SH3D21: variants seen among roughly 807,000 people sequenced by gnomAD.
SH3D21 encodes the protein SH3 domain-containing protein 21.
Under a neutral mutation model 82.1 loss-of-function variants are expected in SH3D21, and 83 were observed. The ratio of observed to expected loss-of-function variants is 1.01; its 90% confidence interval spans 0.85 to 1.21. The LOEUF (loss-of-function observed/expected upper bound fraction) is 1.21, where lower values mean the gene tolerates loss of function less well. SH3D21 is among the 50% of genes most tolerant of loss of function. SH3D21 has a pLI of 0.00. For synonymous variants in SH3D21, 383 were observed against 387.8 expected (o/e 0.99, Z 0.15); for missense variants, 980 against 962.1 (o/e 1.02, Z -0.25).
intron 10 of SH3D21, among the ~76,000 whole-genome samples, chr1:36,318,843 A>G (rs1646388839): frequency 6.6e-6 from 1 of 151,824 alleles, no homozygotes; most frequent in Non-Finnish European, 1.5e-5. Context: ...AGGGAGGCAG[A>G]GCTTGCAGTG....
At chr1:36,325,776 C>CCTCGTGA (rs1346467025), downstream of SH3D21, among the ~76,000 whole-genome samples, 5 of 152,142 alleles carry the variant, frequency 3.3e-5, no homozygotes, top group African/African-American at 1.2e-4. Flanking sequence ...GATCTGCTGA[C>CCTCGTGA]CTCGTGATCC....
intron 10 of SH3D21, among the ~76,000 whole-genome samples, 185 bp downstream of exon 10, chr1:36,309,775 AAT>A (rs1488955213): frequency 6.6e-6 from 1 of 150,824 alleles, no homozygotes; most frequent in Non-Finnish European, 1.5e-5. Flanking sequence ...TGTGTGTGTT[AAT>A]ATGTCAGTGT....
chr1:36,307,717 C>T lies in SH3D21; in HGVS notation c.437-53C>T, dbSNP rs964657127. ...CCCTGTGACCCCTCTGACCCTCTCC[C>T]ATGACCTAACCTGTGAATTAGCACC... On this transcript the variant is annotated intron_variant, in intron 5 of 15. Coordinates refer to ENST00000453908, the MANE Select transcript of SH3D21 (RefSeq NM_001162530.2). This position sits in a 1 kb window ranked among gnomAD's most constrained non-coding sequence, Gnocchi z 5.4. 16 of 1,544,318 alleles carry T rather than the reference C, an allele frequency of 1.0e-5. No individual in the cohort carries two copies. The African/African-American group carries it at 2.2e-4, about 21-fold the overall frequency.
intron 8 of SH3D21, 74 bp downstream of exon 8, chr1:36,308,283 T>C (rs1481548517): frequency 6.1e-6 from 9 of 1,471,918 alleles, no homozygotes; most frequent in South Asian, 3.7e-5. Flanking sequence ...ATGTACCCCC[T>C]GAATCTAAAA....
At position 36,321,027 on chromosome 1, in the gene SH3D21, G is replaced by C; in HGVS notation, c.2200-29G>C. 2 of 1,600,318 alleles carry C rather than the reference G, an allele frequency of 1.2e-6. No homozygotes were observed. The highest frequency in any genetic ancestry group is 2.3e-5 in the East Asian group (1 of 44,136). ...GGGGGCTGACGGCGAGTGGCCCCCTGACAAAGTCTCCACCTCACTCCCGAC... is the reference window on the plus strand; with the variant it reads ...GGGGGCTGACGGCGAGTGGCCCCCTCACAAAGTCTCCACCTCACTCCCGAC... On this transcript the variant is annotated intron_variant, in intron 15 of 15. Coordinates refer to ENST00000453908, the MANE Select transcript of SH3D21 (RefSeq NM_001162530.2). This position sits in a 1 kb window ranked among gnomAD's most constrained non-coding sequence, Gnocchi z 6.1.
At chr1:36,310,865 C>T (rs973191864) in intron 10 of SH3D21, among the ~76,000 whole-genome samples, 6 of 151,976 alleles carry the variant, frequency 3.9e-5, no homozygotes, top group Non-Finnish European at 8.8e-5. Context: ...AAAATGGTAG[C>T]ATGTTTATAG....
At chr1:36,323,223 A>T (rs909118035), downstream of SH3D21, among the ~76,000 whole-genome samples, 1 of 151,704 alleles carries the variant, frequency 6.6e-6, no homozygotes, top group African/African-American at 2.4e-5. Flanking sequence ...GTCGGGGGGA[A>T]CCCCTCTCCC....
intron 10 of SH3D21, 34 bp from the exon 11 acceptor site, chr1:36,319,037 C>T (rs1373850609): frequency 1.5e-6 from 2 of 1,301,406 alleles, no homozygotes; most frequent in Non-Finnish European, 2.2e-6. Context: ...TAGCGACTGT[C>T]AGATGGATGA....
chr1:36,307,887 T>C lies in SH3D21; in HGVS notation c.493-31T>C. On this transcript the variant is annotated intron_variant, in intron 6 of 15. Coordinates refer to ENST00000453908, the MANE Select transcript of SH3D21 (RefSeq NM_001162530.2). This position sits in a 1 kb window ranked among gnomAD's most constrained non-coding sequence, Gnocchi z 5.4. ...TCCTCTTGGGGTGGTTGGAGGCTCATCTAGTTCCTCCCTGCCCCTTCCCCC... is the reference window on the plus strand; with the variant it reads ...TCCTCTTGGGGTGGTTGGAGGCTCACCTAGTTCCTCCCTGCCCCTTCCCCC... 1 of 1,551,620 alleles carries C rather than the reference T, an allele frequency of 6.4e-7. No homozygotes were observed. The highest frequency in any genetic ancestry group is 8.7e-7 in the Non-Finnish European group (1 of 1,146,956).
At chr1:36,325,451 A>G (rs1646532350), downstream of SH3D21, among the ~76,000 whole-genome samples, 1 of 152,224 alleles carries the variant, frequency 6.6e-6, no homozygotes, top group Non-Finnish European at 1.5e-5. Context: ...TTTATTTTAC[A>G]TCAAGGACTT....
downstream of SH3D21, among the ~76,000 whole-genome samples, chr1:36,327,338 G>A (rs1008816095): frequency 3.3e-5 from 5 of 152,234 alleles, no homozygotes; most frequent in Non-Finnish European, 7.3e-5. Flanking sequence ...GCATGAGCAT[G>A]TTTAATGCCT....
chr1:36,313,972 C>CTTTTTTTTTTTTTTTTCTTTTTTTTTTTT (rs1646291775), intron 10 of SH3D21, among the ~76,000 whole-genome samples: 1 of 36,784 alleles, frequency 2.7e-5, no homozygotes, highest in Non-Finnish European at 5.4e-5. Context: ...AACATATTTT[C>CTTTTTTTTTTTTTTTTCTTTTTTTTTTTT]TTTTTTTTTT....
chr1:36,312,039 T>G (rs957647655), intron 10 of SH3D21, among the ~76,000 whole-genome samples: 1 of 151,992 alleles, frequency 6.6e-6, no homozygotes, highest in Non-Finnish European at 1.5e-5. Flanking sequence ...TTTAAATTTT[T>G]TTTGAGACAG....
At position 36,313,967 on chromosome 1, in the gene SH3D21, A is replaced by ATTTTTTTTTTTTTTTTTTTTTTTT. The variant is rs1207014644; in HGVS notation, c.769+4381_769+4382insTTTTTTTTTTTTTTTTTTTTTTTT. ...TCTGATGGCTAATGATGCTGAACAT[A>ATTTTTTTTTTTTTTTTTTTTTTTT]TTTTCTTTTTTTTTTTTTTTTTTTT... On this transcript the variant is annotated intron_variant, in intron 10 of 15. Coordinates refer to ENST00000453908, the MANE Select transcript of SH3D21 (RefSeq NM_001162530.2). 2.4e-4 allele frequency among the ~76,000 whole-genome samples: 9 copies of ATTTTTTTTTTTTTTTTTTTTTTTT among 36,870 alleles called. 1 individual carries two copies. Among genetic ancestry groups the ATTTTTTTTTTTTTTTTTTTTTTTT allele is most frequent in the East Asian group, 1.7e-3 (2 of 1,158 alleles). 24.2% of individuals were successfully genotyped at this position (36,870 alleles called of 152,430 possible).
chr1:36,308,172 C>A lies in SH3D21; in HGVS notation c.602C>A (p.Ala201Glu), dbSNP rs781589402. The A allele has an allele frequency of 1.3e-5, 20 of 1,548,146 alleles. No homozygotes were observed. Among genetic ancestry groups the A allele is most frequent in the Middle Eastern group, 3.3e-4 (2 of 5,978 alleles). Residue 201 changes from alanine (A) to glutamate (E), a missense_variant, in exon 8 of 16, where the codon GCG (alanine) becomes GAG (glutamate). Coordinates refer to ENST00000453908, the MANE Select transcript of SH3D21 (RefSeq NM_001162530.2). ...CAGCCTGAGGCCCCAGACGAGTTGG[C>A]GCTGCGGAGGGGGGACGTGGTAAAA... ...DYQPEAPDEL[A>E]LRRGDVVKVL... is the part of the protein sequence containing the mutation.
chr1:36,321,614 CGCAGACGTG>C (rs532368653), downstream of SH3D21: 140 of 969,298 alleles, frequency 1.4e-4, no homozygotes, highest in South Asian at 4.3e-3. The surrounding 1 kb of genome is among the most constrained non-coding windows in gnomAD (Gnocchi z 6.1). Context: ...CGCACCTCGG[CGCAGACGTG>C]AAGTCCACCG....
chr1:36,321,217 C>A lies in SH3D21; in HGVS notation c.*90C>A. On this transcript the variant is annotated 3_prime_UTR_variant, in exon 16 of 16. Transcript: ENST00000453908. This position sits in a 1 kb window ranked among gnomAD's most constrained non-coding sequence, Gnocchi z 6.1. ...TTTGGGAAACGCGAGAAAGTAAACT[C>A]TGCCTAGCACGGCGCCACGCCGGTC... The A allele has an allele frequency of 6.6e-7, 1 of 1,518,106 alleles. No homozygotes were observed. Among genetic ancestry groups the A allele is most frequent in the Non-Finnish European group, 8.8e-7 (1 of 1,132,038 alleles). The allele number at this position is 1,518,106 out of a possible 1,614,324, so 94.0% of individuals were successfully genotyped here.
chr1:36,325,349 C>T (rs1045483701), downstream of SH3D21, among the ~76,000 whole-genome samples: 7 of 152,020 alleles, frequency 4.6e-5, no homozygotes, highest in South Asian at 8.3e-4. Context: ...ATTTTCATAG[C>T]GGTTACATTA....
downstream of SH3D21, chr1:36,322,603 G>A: frequency 6.4e-7 from 1 of 1,556,314 alleles, no homozygotes; most frequent in Non-Finnish European, 8.7e-7. Context: ...TCCCGGCGCT[G>A]AGCCGGGCCC....
Sources: allele counts gnomAD v4.1 joint callset (sites outside exome capture counted in the v4.1 genomes callset), GRCh38; gene constraint gnomAD v4.1.1; non-coding constraint Gnocchi (gnomAD v3.1); transcripts MANE v1.5; gene names NCBI Gene and HGNC (gene_info 2026-07-23, HGNC 2026-07-21).